The following HHIPL1 variants were observed in gnomAD, a reference collection of about 807,000 sequenced individuals.
HHIPL1 encodes HHIP-like protein 1.
In HHIPL1, 43 loss-of-function variants were observed where a neutral mutation model predicts 61.8. That is an observed-to-expected ratio of 0.70 (90% CI 0.55 to 0.90). HHIPL1 has a LOEUF of 0.90. HHIPL1 is among the 40% of genes least tolerant of loss of function. The probability of loss-of-function intolerance (pLI) is 0.00; values close to 1 mark genes in which losing one functional copy is unlikely to be tolerated. For missense variants in HHIPL1, 1,056 were observed against 1,157.7 expected, an observed-to-expected ratio of 0.91 and a Z score of 1.28; for synonymous variants, 482 against 515.8, an observed-to-expected ratio of 0.93 and a Z score of 0.89.
the HHIPL1 span, among the ~76,000 whole-genome samples, chr14:99,610,349 C>T: frequency 6.6e-6 from 1 of 152,222 alleles, no homozygotes. Context: ...GCTTTTGATG[C>T]TCCTGCAGCC....
At chr14:99,631,098 TTCTTTCTTTCTC>T in the HHIPL1 span, among the ~76,000 whole-genome samples, 61 of 133,142 alleles carry the variant, frequency 4.6e-4, no homozygotes, top group African/African-American at 1.6e-3. Context: ...CTTTCTTTCT[TTCTTTCTTTCTC>T]TCTCTTTCTT....
the HHIPL1 span, among the ~76,000 whole-genome samples, chr14:99,604,904 C>T: frequency 1.3e-3 from 195 of 152,310 alleles, no homozygotes; most frequent in African/African-American, 4.4e-3. Context: ...CCAGGCTCCT[C>T]CGCCCCCGTC....
chr14:99,631,849 G>C, the HHIPL1 span, among the ~76,000 whole-genome samples: 1 of 152,176 alleles, frequency 6.6e-6, no homozygotes, highest in Non-Finnish European at 1.5e-5. Context: ...CTCCTGCCGT[G>C]GGCCTTGACT....
At chr14:99,650,730 C>T (rs2055915811) in intron 1 of HHIPL1, among the ~76,000 whole-genome samples, 1 of 152,242 alleles carries the variant, frequency 6.6e-6, no homozygotes, top group African/African-American at 2.4e-5. Flanking sequence ...TTCATGGGCA[C>T]ACTGCCCTGG....
the HHIPL1 span, among the ~76,000 whole-genome samples, chr14:99,637,208 GA>G: frequency 2.5e-5 from 2 of 81,066 alleles, no homozygotes; most frequent in African/African-American, 9.5e-5. Flanking sequence ...AAGGAAGAAA[GA>G]AAGAAAGAAA....
At chr14:99,630,387 C>G in the HHIPL1 span, among the ~76,000 whole-genome samples, 2 of 152,208 alleles carry the variant, frequency 1.3e-5, no homozygotes, top group Non-Finnish European at 2.9e-5. Flanking sequence ...ACAGAAAGGC[C>G]TTGGCCTCCA....
In HHIPL1 at chr14:99,678,303, C is replaced by T. The variant is rs1482947253; in HGVS notation, c.*2677C>T. On this transcript the variant is annotated 3_prime_UTR_variant, in exon 9 of 9. Coordinates refer to ENST00000330710, the MANE Select transcript of HHIPL1 (RefSeq NM_001127258.3). ...GGCCCAGGGTTTGGAGACCTCTGCC[C>T]TAGGTAGTAATAAGAGTGGACAGCT... is the stretch of plus-strand genomic sequence containing the variant. The T allele has an allele frequency of 6.6e-6, 1 of 152,142 alleles. No individual in the cohort carries two copies. Among genetic ancestry groups the T allele is most frequent in the Non-Finnish European group, 1.5e-5 (1 of 68,018 alleles). 9.4% of individuals were successfully genotyped at this position (152,142 alleles called of 1,614,324 possible). A position where few individuals can be genotyped will look rare whatever the true frequency, so the allele number is the denominator to read the frequency against.
chr14:99,628,607 A>T, the HHIPL1 span, among the ~76,000 whole-genome samples: 1 of 151,744 alleles, frequency 6.6e-6, no homozygotes. Flanking sequence ...GAAAAAAAGA[A>T]AAAAAAAGAA....
the HHIPL1 span, among the ~76,000 whole-genome samples, chr14:99,609,910 C>G: frequency 6.6e-6 from 1 of 152,194 alleles, no homozygotes; most frequent in African/African-American, 2.4e-5. Flanking sequence ...AGAGATCTGG[C>G]CAGACTTGTG....
the HHIPL1 span, among the ~76,000 whole-genome samples, chr14:99,635,429 G>A: frequency 6.6e-6 from 1 of 152,118 alleles, no homozygotes; most frequent in Non-Finnish European, 1.5e-5. Context: ...GCGGGGTGGG[G>A]GTGGCAGGGA....
upstream of HHIPL1, among the ~76,000 whole-genome samples, chr14:99,641,240 T>C (rs2055747923): frequency 6.6e-6 from 1 of 152,114 alleles, no homozygotes. Flanking sequence ...CTGCTGGTGA[T>C]GAATTTCTCC....
At chr14:99,636,756 G>C in the HHIPL1 span, among the ~76,000 whole-genome samples, 3 of 152,068 alleles carry the variant, frequency 2.0e-5, no homozygotes, top group South Asian at 2.1e-4. Context: ...GGGAGGCCGA[G>C]GGGGGAGAAT....
upstream of HHIPL1, among the ~76,000 whole-genome samples, chr14:99,644,688 T>TGA (rs1387846511): frequency 6.6e-6 from 1 of 152,080 alleles, no homozygotes; most frequent in African/African-American, 2.4e-5. Flanking sequence ...TGCTCCGTCC[T>TGA]CCCTCCCCAC....
At chr14:99,672,969 G>C (rs988526554) in intron 8 of HHIPL1, among the ~76,000 whole-genome samples, 1 of 152,204 alleles carries the variant, frequency 6.6e-6, no homozygotes, top group Non-Finnish European at 1.5e-5. Context: ...CCACGGACAC[G>C]TGCCCTGCCC....
chr14:99,675,095 C>G lies in HHIPL1; in HGVS notation c.1818C>G (p.Phe606Leu). The change falls in exon 9 of 9, where the codon TTC (phenylalanine) becomes TTG (leucine). Residue 606 changes from phenylalanine to leucine, a missense_variant. Physicochemically the swap from Phe to Leu is conservative, Grantham distance 22 (BLOSUM62 0). Coordinates refer to ENST00000330710, the MANE Select transcript of HHIPL1 (RefSeq NM_001127258.3). The surrounding 1 kb of genome is among the most constrained non-coding windows in gnomAD (Gnocchi z 5.4). Reference sequence around the variant, plus strand: ...GCATACTCTTCCTCTGCGCAGAGTTCATCCCGAAGACACGGAGCACCCCGC... The same window carrying G: ...GCATACTCTTCCTCTGCGCAGAGTTGATCCCGAAGACACGGAGCACCCCGC... ...RLIPFVPKEK[F>L]IPKTRSTPRP... 2.6e-6 allele frequency: 3 copies of G among 1,171,152 alleles called. No homozygotes were observed. The highest frequency in any genetic ancestry group is 3.2e-6 in the Non-Finnish European group (3 of 936,902). 72.5% of individuals were successfully genotyped at this position (1,171,152 alleles called of 1,614,324 possible).
At chr14:99,616,846 C>G in the HHIPL1 span, among the ~76,000 whole-genome samples, 1 of 152,070 alleles carries the variant, frequency 6.6e-6, no homozygotes, top group East Asian at 1.9e-4. Flanking sequence ...ATTTTATGCC[C>G]ACAGGAAGGA....
the HHIPL1 span, among the ~76,000 whole-genome samples, chr14:99,638,159 A>G: frequency 2.0e-3 from 298 of 152,260 alleles, no homozygotes; most frequent in Middle Eastern, 0.014. Context: ...GCCATGATCT[A>G]TACCACACAG....
chr14:99,656,605 A>T (rs1322134171), intron 2 of HHIPL1, among the ~76,000 whole-genome samples: 4 of 151,630 alleles, frequency 2.6e-5, no homozygotes, highest in Non-Finnish European at 4.4e-5. Flanking sequence ...GTGAAACCCC[A>T]TCTCTACTAA....
Position 99,645,233 on chromosome 14 carries a change from T to C in HHIPL1, c.26T>C (p.Leu9Pro). 7.5e-7 allele frequency: 1 copy of C among 1,338,268 alleles called. No homozygotes were observed. 82.9% of individuals were successfully genotyped at this position (1,338,268 alleles called of 1,614,324 possible). The change falls in exon 1 of 9, where the codon CTG becomes CCG. Residue 9 changes from leucine (L) to proline (P), a missense_variant. By Grantham distance (98) the Leu-to-Pro change is moderately conservative (BLOSUM62 -3). Transcript: ENST00000330710. Reference protein sequence around the residue: MARARAGALLALWVLGAAA... With the variant: MARARAGAPLALWVLGAAA... ...ATGGCCCGGGCCAGGGCCGGGGCGCTGCTGGCGCTTTGGGTGCTCGGGGCC... is the reference window on the plus strand; with the variant it reads ...ATGGCCCGGGCCAGGGCCGGGGCGCCGCTGGCGCTTTGGGTGCTCGGGGCC...
Sources: gnomAD v4.1 joint callset for allele counts (sites outside exome capture counted in the v4.1 genomes callset) on GRCh38, gnomAD v4.1.1 for gene constraint, Gnocchi (gnomAD v3.1) non-coding constraint, MANE v1.5 for transcripts, NCBI Gene and HGNC (gene_info 2026-07-23, HGNC 2026-07-21) for gene names.